The following ZNF33A variants were observed in gnomAD, a reference collection of about 807,000 sequenced individuals.
The protein encoded by ZNF33A is brain my041 protein.
In ZNF33A, 9 loss-of-function variants were observed where a neutral mutation model predicts 15.9. That is an observed-to-expected ratio of 0.57 (90% CI 0.34 to 0.99). The LOEUF is 0.99. Ranked by LOEUF, ZNF33A falls within the 50% of genes least tolerant of loss-of-function variation. The pLI, the probability that ZNF33A is intolerant of heterozygous loss-of-function variation, is 0.02. For synonymous variants in ZNF33A, 294 were observed against 324.2 expected (o/e 0.91, Z 1.00); for missense variants, 843 against 941.6 (o/e 0.90, Z 1.37).
At chr10:38,016,751 TTC>T (rs1167437032) in intron 2 of ZNF33A, 118 bp from the exon 3 acceptor site, 23 of 1,218,672 alleles carry the variant, frequency 1.9e-5, no homozygotes, top group Non-Finnish European at 2.4e-5. Context: ...GGCAGAATAT[TTC>T]TGTTATGATT....
rs2066552541 is a variant in ZNF33A at position 38,057,945 on chromosome 10, CT to C, written c.*1386del. The C allele has an allele frequency of 1.0e-6, 1 of 985,344 alleles. No individual in the cohort carries two copies. Among genetic ancestry groups the C allele is most frequent in the Non-Finnish European group, 1.2e-6 (1 of 829,936 alleles). The allele number at this position is 985,344 out of a possible 1,614,324, so 61.0% of individuals were successfully genotyped here. ...GAGAATATGAAGAGGAGGGTTGAGGCTGGAGCAGAACCAGAATCAAGCTGGT... is the reference window on the plus strand; with the variant it reads ...GAGAATATGAAGAGGAGGGTTGAGGCGGAGCAGAACCAGAATCAAGCTGGT... On this transcript the variant is annotated 3_prime_UTR_variant, in exon 5 of 5. Coordinates refer to ENST00000432900, the MANE Select transcript of ZNF33A (RefSeq NM_006954.2).
At chr10:38,021,992 G>A (rs2064767117) in intron 4 of ZNF33A, among the ~76,000 whole-genome samples, 1 of 152,170 alleles carries the variant, frequency 6.6e-6, no homozygotes, top group South Asian at 2.1e-4. Context: ...AGCTAAAGCA[G>A]TGCTGATAGA....
upstream of ZNF33A, chr10:38,010,635 C>A: frequency 7.1e-7 from 1 of 1,405,560 alleles, no homozygotes; most frequent in African/African-American, 1.4e-5. Flanking sequence ...AAGCTGTGCG[C>A]GTGGGCTCTG....
intron 4 of ZNF33A, among the ~76,000 whole-genome samples, chr10:38,048,666 G>A (rs946034096): frequency 3.3e-5 from 5 of 152,128 alleles, no homozygotes; most frequent in Non-Finnish European, 7.4e-5. Flanking sequence ...TCAGAGCCAG[G>A]AATACCAGTG....
intron 4 of ZNF33A, among the ~76,000 whole-genome samples, chr10:38,025,959 C>T (rs374393239): frequency 6.6e-6 from 1 of 152,120 alleles, no homozygotes; most frequent in South Asian, 2.1e-4. Context: ...CCTATGGTAA[C>T]CCCTTATCTA....
chr10:38,033,055 T>C (rs1428114294), intron 4 of ZNF33A, among the ~76,000 whole-genome samples: 1 of 152,122 alleles, frequency 6.6e-6, no homozygotes, highest in Admixed American at 6.6e-5. Flanking sequence ...GCTGACAGTG[T>C]TTCTTAGAAC....
intron 4 of ZNF33A, among the ~76,000 whole-genome samples, chr10:38,024,957 T>G (rs2064918582): frequency 1.3e-5 from 2 of 152,256 alleles, no homozygotes; most frequent in Non-Finnish European, 2.9e-5. Context: ...CAGGTAACCC[T>G]TATTTTACTT....
rs2066367465 is a variant in ZNF33A, at chr10:38,054,632, T to C, written c.508T>C (p.Phe170Leu). 1 of 1,612,736 alleles carries C rather than the reference T, an allele frequency of 6.2e-7. No individual in the cohort carries two copies. Among genetic ancestry groups the C allele is most frequent in the Non-Finnish European group, 8.5e-7 (1 of 1,179,704 alleles). The stretch of plus-strand genomic sequence containing the variant: ...CTATTTAGGAAAAAAGTCTGATGAA[T>C]TTAATGCCTGTGGGAAATTGTTACT... The part of the protein sequence containing the change: ...INYLGKKSDE[F>L]NACGKLLLNI... Residue 170 changes from phenylalanine (F) to leucine (L), a missense_variant, in exon 5 of 5, where the codon TTT becomes CTT. By Grantham distance (22) the Phe-to-Leu change is conservative. Transcript: ENST00000432900.
chr10:38,010,634 G>A (rs2064120411), upstream of ZNF33A: 4 of 1,400,996 alleles, frequency 2.9e-6, no homozygotes, highest in African/African-American at 1.4e-5. Context: ...CAAGCTGTGC[G>A]CGTGGGCTCT....
At position 38,057,004 on chromosome 10, in the gene ZNF33A, C is replaced by T. The variant is rs755398109; in HGVS notation, c.*444C>T. ...TTCCCATGTACACTTCACCAAACTT[C>T]CTCTAAGGATAATGTATAATCATAG... is the stretch of plus-strand genomic sequence containing the variant. On this transcript the variant is annotated 3_prime_UTR_variant, in exon 5 of 5. Transcript: ENST00000432900. 1.7e-4 allele frequency: 129 copies of T among 776,984 alleles called. 2 individuals carry two copies. The highest frequency in any genetic ancestry group is 1.9e-4 in the Non-Finnish European group (120 of 638,286). The allele number at this position is 776,984 out of a possible 1,614,324, so 48.1% of individuals were successfully genotyped here.
Position 38,054,557 on chromosome 10 carries a change from T to C in ZNF33A, c.433T>C (p.Cys145Arg). 1.9e-6 allele frequency: 3 copies of C among 1,612,202 alleles called. No individual in the cohort carries two copies. Among genetic ancestry groups the C allele is most frequent in the Admixed American group, 1.7e-5 (1 of 59,732 alleles). ...AAAAATGTTCTGTCAGTGTGATTCA[T>C]GTGGAATGAGTTTCAACACTGTTTC... ...SRKMFCQCDSCGMSFNTVSEL... is the reference protein window; with the variant it reads ...SRKMFCQCDSRGMSFNTVSEL... The change falls in exon 5 of 5, where the codon TGT (cysteine) becomes CGT (arginine). Residue 145 changes from cysteine to arginine, a missense_variant. Coordinates refer to ENST00000432900, the MANE Select transcript of ZNF33A (RefSeq NM_006954.2).
At chr10:38,017,462 C>T in intron 4 of ZNF33A, 76 bp downstream of exon 4, 1 of 1,190,924 alleles carries the variant, frequency 8.4e-7, no homozygotes, top group Non-Finnish European at 1.2e-6. Context: ...GGTTTGGCAA[C>T]TTTGGAAGAT....
intron 4 of ZNF33A, among the ~76,000 whole-genome samples, chr10:38,018,273 A>G (rs984127198): frequency 3.3e-4 from 50 of 152,330 alleles, no homozygotes; most frequent in African/African-American, 1.2e-3. Context: ...AATGAGGTCA[A>G]CATTAGAGCA....
At position 38,055,746 on chromosome 10, in the gene ZNF33A, C is replaced by T; in HGVS notation, c.1622C>T (p.Thr541Ile). 6.2e-7 allele frequency: 1 copy of T among 1,613,098 alleles called. No individual in the cohort carries two copies. Among genetic ancestry groups the T allele is most frequent in the Non-Finnish European group, 8.5e-7 (1 of 1,179,248 alleles). Residue 541 changes from threonine to isoleucine, a missense_variant, in exon 5 of 5, where the codon ACA becomes ATA. By Grantham distance (89) the Thr-to-Ile change is moderately conservative. Coordinates refer to ENST00000432900, the MANE Select transcript of ZNF33A (RefSeq NM_006954.2). ...ACCTTCTGCTTGAAGTCAGACCTCA[C>T]AGTACATCAGAGAACACACACAGGG... ...GKTFCLKSDLTVHQRTHTGQK... is the reference protein window; with the variant it reads ...GKTFCLKSDLIVHQRTHTGQK...
chr10:38,036,326 C>T (rs2065453030), intron 4 of ZNF33A, among the ~76,000 whole-genome samples: 1 of 151,996 alleles, frequency 6.6e-6, no homozygotes, highest in South Asian at 2.1e-4. Context: ...AATCCCAGCT[C>T]CTCTGAAGGC....
At chr10:38,038,359 C>T (rs1218990595) in intron 4 of ZNF33A, among the ~76,000 whole-genome samples, 1 of 152,138 alleles carries the variant, frequency 6.6e-6, no homozygotes, top group Non-Finnish European at 1.5e-5. Context: ...ACCTCGGCAT[C>T]CCAAAGTGCT....
intron 2 of ZNF33A, among the ~76,000 whole-genome samples, chr10:38,013,071 G>C (rs560341744): frequency 5.3e-5 from 8 of 152,028 alleles, no homozygotes; most frequent in Non-Finnish European, 2.9e-5. Context: ...TTTTCTTTTG[G>C]ATGTAGTGTT....
chr10:38,044,149 G>C (rs1334591746), intron 4 of ZNF33A, among the ~76,000 whole-genome samples: 1 of 149,374 alleles, frequency 6.7e-6, no homozygotes, highest in Non-Finnish European at 1.5e-5. Context: ...AATCTCTATT[G>C]ATCCATCTTT....
chr10:38,024,410 TAGAA>T (rs1564841623), intron 4 of ZNF33A, among the ~76,000 whole-genome samples: 1 of 152,054 alleles, frequency 6.6e-6, no homozygotes, highest in Non-Finnish European at 1.5e-5. Context: ...AAAGAAATAA[TAGAA>T]ATAAATGAAG....
Sources: allele counts gnomAD v4.1 joint callset (sites outside exome capture counted in the v4.1 genomes callset), GRCh38; gene constraint gnomAD v4.1.1; transcripts MANE v1.5; gene names NCBI Gene and HGNC (gene_info 2026-07-23, HGNC 2026-07-21).